IKZF1: variants seen among roughly 807,000 people sequenced by gnomAD.
IKZF1 encodes the protein IKAROS family zinc finger 1, also known as DNA-binding protein Ikaros.
In IKZF1, 10 loss-of-function variants were observed where a neutral mutation model predicts 51.7. The observed-to-expected ratio is 0.19, with a 90% CI of 0.12 to 0.33. IKZF1 has a LOEUF of 0.33. Ranked by LOEUF, IKZF1 falls within the 10% of genes least tolerant of loss-of-function variation. The pLI is 1.00. For synonymous variants in IKZF1, 280 were observed against 282.3 expected, an observed-to-expected ratio of 0.99 and a Z score of 0.08; for missense variants, 484 against 707.5, an observed-to-expected ratio of 0.68 and a Z score of 3.58.
chr7:50,345,735 C>A (rs1381573257), intron 3 of IKZF1, among the ~76,000 whole-genome samples: 1 of 152,224 alleles, frequency 6.6e-6, no homozygotes, highest in Non-Finnish European at 1.5e-5. Context: ...AATAATCTAT[C>A]TCCTCATCCC....
chr7:50,403,129 A>C lies in IKZF1; in HGVS notation c.*2502A>C, dbSNP rs1399747692. ...TTCCTCTCACTGCCTTTTATAGCCAATATAAATGTCTCTTTGCACACCTTT... is the reference window on the plus strand; with the variant it reads ...TTCCTCTCACTGCCTTTTATAGCCACTATAAATGTCTCTTTGCACACCTTT... On this transcript the variant is annotated 3_prime_UTR_variant, in exon 8 of 8. Transcript: ENST00000331340. 4.5e-6 allele frequency: 1 copy of C among 221,576 alleles called. No homozygotes were observed. Among genetic ancestry groups the C allele is most frequent in the Non-Finnish European group, 9.0e-6 (1 of 110,930 alleles). The allele number at this position is 221,576 out of a possible 1,614,324, so 13.7% of individuals were successfully genotyped here.
chr7:50,400,897 C>G lies in IKZF1; in HGVS notation c.*270C>G, dbSNP rs958774267. On this transcript the variant is annotated 3_prime_UTR_variant, in exon 8 of 8. Transcript: ENST00000331340. The surrounding 1 kb of genome is among the most constrained non-coding windows in gnomAD (Gnocchi z 5.4). ...TTTCCCCAGACCGCTGGCTGAGATT[C>G]CCTCACCTGTCGCTTCCTAGAATCC... The G allele has an allele frequency of 7.9e-6, 4 of 508,288 alleles. No individual in the cohort carries two copies. Among genetic ancestry groups the G allele is most frequent in the Non-Finnish European group, 1.4e-5 (4 of 287,048 alleles). 31.5% of individuals were successfully genotyped at this position (508,288 alleles called of 1,614,324 possible).
At chr7:50,339,168 T>G (rs1304456773) in intron 3 of IKZF1, among the ~76,000 whole-genome samples, 2 of 151,378 alleles carry the variant, frequency 1.3e-5, no homozygotes, top group South Asian at 4.2e-4. Context: ...TCCTGACAGC[T>G]GAAATTTGAC....
Position 50,376,244 on chromosome 7 carries a change from A to G in IKZF1, c.161-289A>G, listed in dbSNP as rs1399477863. Among the ~76,000 whole-genome samples the G allele has an allele frequency of 1.3e-5, 2 of 152,326 alleles. No individual in the cohort carries two copies. Among genetic ancestry groups the G allele is most frequent in the East Asian group, 3.9e-4 (2 of 5,186 alleles). ...GTGAGGGCCCAATTCTAAAGTGGGA[A>G]CTATGTAAATACCTTTCTAGTGCAT... On this transcript the variant is annotated intron_variant, in intron 3 of 7. Transcript: ENST00000331340. The surrounding 1 kb of genome is among the most constrained non-coding windows in gnomAD (Gnocchi z 4.5).
intron 1 of IKZF1, chr7:50,308,929 G>A (rs1432984025): frequency 6.6e-6 from 1 of 152,464 alleles, no homozygotes; most frequent in East Asian, 1.9e-4. Context: ...CGGTTTCTTT[G>A]TGTGCTTGCA....
chr7:50,324,411 C>T (rs1794293115), intron 2 of IKZF1, among the ~76,000 whole-genome samples: 1 of 152,192 alleles, frequency 6.6e-6, no homozygotes, highest in African/African-American at 2.4e-5. Flanking sequence ...TATCTCACTT[C>T]ACTACCATCC....
At chr7:50,315,632 G>T (rs1791366733) in intron 1 of IKZF1, among the ~76,000 whole-genome samples, 1 of 152,186 alleles carries the variant, frequency 6.6e-6, no homozygotes, top group South Asian at 2.1e-4. Context: ...AATTGTTTGG[G>T]TTTCCCAGGC....
In IKZF1 at chr7:50,402,289, A is replaced by G. The variant is rs929398049; in HGVS notation, c.*1662A>G. The G allele has an allele frequency of 4.3e-6, 1 of 230,710 alleles. No individual in the cohort carries two copies. The highest frequency in any genetic ancestry group is 2.2e-5 in the African/African-American group (1 of 45,220). 14.3% of individuals were successfully genotyped at this position (230,710 alleles called of 1,614,324 possible). On this transcript the variant is annotated 3_prime_UTR_variant, in exon 8 of 8. Coordinates refer to ENST00000331340, the MANE Select transcript of IKZF1 (RefSeq NM_006060.6). ...AGAGGAAATTGTACATAAGTACCTC[A>G]GCATTTAATCCAAACAGGGGTTCTT...
chr7:50,345,592 C>A (rs1281889498), intron 3 of IKZF1, among the ~76,000 whole-genome samples: 1 of 152,154 alleles, frequency 6.6e-6, no homozygotes, highest in Non-Finnish European at 1.5e-5. Context: ...GTGGCCCAGG[C>A]ACTCTGCTAG....
chr7:50,391,318 C>T (rs1471527291), intron 6 of IKZF1, among the ~76,000 whole-genome samples: 1 of 152,180 alleles, frequency 6.6e-6, no homozygotes, highest in East Asian at 1.9e-4. Context: ...TCCATGAAGT[C>T]AGATGTTAGA....
chr7:50,362,428 C>T (rs926641915), intron 3 of IKZF1, among the ~76,000 whole-genome samples: 1 of 152,246 alleles, frequency 6.6e-6, no homozygotes, highest in Non-Finnish European at 1.5e-5. Flanking sequence ...TTTTCACCTT[C>T]AGTGGACTTG....
At chr7:50,353,481 C>T (rs1562805911) in intron 3 of IKZF1, among the ~76,000 whole-genome samples, 1 of 152,128 alleles carries the variant, frequency 6.6e-6, no homozygotes, top group Admixed American at 6.5e-5. Flanking sequence ...AAGAAGTTGC[C>T]CTCCTCCCTC....
At chr7:50,340,437 G>T (rs909035661) in intron 3 of IKZF1, among the ~76,000 whole-genome samples, 39 of 152,228 alleles carry the variant, frequency 2.6e-4, no homozygotes, top group Middle Eastern at 3.2e-3. Flanking sequence ...ACCAGGCTGG[G>T]TGTGATCGAT....
rs375057431 is a variant in IKZF1 at position 50,327,576 on chromosome 7, G to T, written c.41-62G>T. On this transcript the variant is annotated intron_variant, in intron 2 of 7. Coordinates refer to ENST00000331340, the MANE Select transcript of IKZF1 (RefSeq NM_006060.6). ...ATGCCACCCTCTCAAGCCAAAAGCC[G>T]GGGGAAGCCCAGGCACCTTGACCAT... The T allele has an allele frequency of 8.6e-6, 13 of 1,512,122 alleles. No homozygotes were observed. The South Asian group carries it at 1.3e-4, about 15-fold the overall frequency. 93.7% of individuals were successfully genotyped at this position (1,512,122 alleles called of 1,614,324 possible).
intron 3 of IKZF1, among the ~76,000 whole-genome samples, chr7:50,373,826 T>C (rs1338052785): frequency 6.6e-6 from 1 of 152,096 alleles, no homozygotes; most frequent in Non-Finnish European, 1.5e-5. Context: ...AACTCAATGG[T>C]CATTAAGCAC....
At chr7:50,341,989 C>A (rs1310260912) in intron 3 of IKZF1, among the ~76,000 whole-genome samples, 1 of 151,380 alleles carries the variant, frequency 6.6e-6, no homozygotes. Flanking sequence ...AAAAAAAAAA[C>A]TTTTTAGATT....
intron 5 of IKZF1, among the ~76,000 whole-genome samples, chr7:50,386,022 T>G (rs1813283327): frequency 6.6e-6 from 1 of 152,322 alleles, no homozygotes; most frequent in Non-Finnish European, 1.5e-5. Flanking sequence ...ACATTTCTAT[T>G]TGGATGCTCT....
At chr7:50,366,392 G>C (rs553928401) in intron 3 of IKZF1, among the ~76,000 whole-genome samples, 1 of 152,312 alleles carries the variant, frequency 6.6e-6, no homozygotes, top group Non-Finnish European at 1.5e-5. Context: ...ACTGCACAAG[G>C]CTACATTTTC....
chr7:50,387,755 G>T lies in IKZF1; in HGVS notation c.715+285G>T, dbSNP rs550086148. Among the ~76,000 whole-genome samples, 3 of 152,136 alleles carry T rather than the reference G, an allele frequency of 2.0e-5. No individual in the cohort carries two copies. The East Asian group carries it at 5.8e-4, about 29-fold the overall frequency. ...TAGCAGTGACCTTGAAAGTTTTGGG[G>T]TTGTTTTTTGGATGTTGGTGATTTT... is the stretch of plus-strand genomic sequence containing the variant. On this transcript the variant is annotated intron_variant, in intron 6 of 7. Coordinates refer to ENST00000331340, the MANE Select transcript of IKZF1 (RefSeq NM_006060.6).
Sources: gnomAD v4.1 joint callset for allele counts (sites outside exome capture counted in the v4.1 genomes callset) on GRCh38, gnomAD v4.1.1 for gene constraint, Gnocchi (gnomAD v3.1) non-coding constraint, MANE v1.5 for transcripts, NCBI Gene and HGNC (gene_info 2026-07-23, HGNC 2026-07-21) for gene names.